BMAL1: variants seen among roughly 807,000 people sequenced by gnomAD.
BMAL1 encodes the protein basic helix-loop-helix ARNT like 1, also known as basic helix-loop-helix ARNT-like protein 1.
At chr11:13,293,447 G>C in the BMAL1 span, among the ~76,000 whole-genome samples, 12 of 152,242 alleles carry the variant, frequency 7.9e-5, no homozygotes, top group Non-Finnish European at 1.3e-4. Flanking sequence ...CTTAGTGTGA[G>C]ACCAAAGGGT....
chr11:13,361,976 C>T, the BMAL1 span, among the ~76,000 whole-genome samples: 21 of 152,292 alleles, frequency 1.4e-4, no homozygotes, highest in South Asian at 1.5e-3. Context: ...CACTTGGTCA[C>T]GCCTAGCTGC....
chr11:13,380,491 G>C, the BMAL1 span: 1 of 152,184 alleles, frequency 6.6e-6, no homozygotes, highest in South Asian at 2.1e-4. Flanking sequence ...CAAGTATTTA[G>C]GTGGATTTAC....
the BMAL1 span, among the ~76,000 whole-genome samples, chr11:13,284,200 ATATATATATGTG>A: frequency 5.1e-3 from 169 of 33,328 alleles, 11 homozygotes; most frequent in Non-Finnish European, 5.8e-3. Context: ...ATATGTGTGT[ATATATATATGTG>A]TATATATATA....
chr11:13,291,805 G>GTACTCTGTATGATACAAAA, the BMAL1 span, among the ~76,000 whole-genome samples: 1 of 151,354 alleles, frequency 6.6e-6, no homozygotes, highest in South Asian at 2.1e-4. Flanking sequence ...TAATTGACGT[G>GTACTCTGTATGATACAAAA]TACTCTGTAT....
chr11:13,280,922 C>T, the BMAL1 span, among the ~76,000 whole-genome samples: 43 of 152,280 alleles, frequency 2.8e-4, no homozygotes, highest in African/African-American at 9.6e-4. Flanking sequence ...TGGGCAAGTG[C>T]CTGGGCTCTG....
At chr11:13,351,471 T>C in the BMAL1 span, among the ~76,000 whole-genome samples, 3 of 152,306 alleles carry the variant, frequency 2.0e-5, no homozygotes, top group South Asian at 6.2e-4. Flanking sequence ...GCCATAAATA[T>C]CTGTAATTCA....
chr11:13,338,466 A>G, the BMAL1 span, among the ~76,000 whole-genome samples: 1 of 152,196 alleles, frequency 6.6e-6, no homozygotes, highest in African/African-American at 2.4e-5. Flanking sequence ...GCTAACTTTT[A>G]GTTAACCCAT....
chr11:13,372,428 C>T, the BMAL1 span: 6 of 1,610,674 alleles, frequency 3.7e-6, no homozygotes, highest in South Asian at 5.5e-5. Flanking sequence ...CTACATACTA[C>T]CCTTGAGCAA....
At chr11:13,339,819 C>T in the BMAL1 span, among the ~76,000 whole-genome samples, 36 of 152,126 alleles carry the variant, frequency 2.4e-4, no homozygotes, top group Admixed American at 2.4e-3. Flanking sequence ...TGCCATCCAG[C>T]ACCCGACATA....
the BMAL1 span, among the ~76,000 whole-genome samples, chr11:13,328,666 T>G: frequency 6.6e-6 from 1 of 152,222 alleles, no homozygotes; most frequent in Admixed American, 6.5e-5. Context: ...GGATTTTGGG[T>G]GCCAGAACTG....
the BMAL1 span, among the ~76,000 whole-genome samples, chr11:13,280,497 T>G: frequency 6.6e-6 from 1 of 152,246 alleles, no homozygotes. Context: ...TGTGATTTCA[T>G]CATCAACTCT....
the BMAL1 span, among the ~76,000 whole-genome samples, chr11:13,284,457 A>G: frequency 6.6e-6 from 1 of 151,430 alleles, no homozygotes; most frequent in African/African-American, 2.4e-5. Flanking sequence ...CCTGAATATA[A>G]TTAACCTCAG....
the BMAL1 span, among the ~76,000 whole-genome samples, chr11:13,342,866 T>C: frequency 0.92 from 140,364 of 152,216 alleles, 64,905 homozygotes; most frequent in Admixed American, 0.96. Flanking sequence ...TCTCTGATCT[T>C]GATCAAGTTA....
At chr11:13,369,555 CA>C in the BMAL1 span, 1 of 1,592,120 alleles carries the variant, frequency 6.3e-7, no homozygotes, top group Non-Finnish European at 8.6e-7. Context: ...CTCAAGGTCA[CA>C]CTCCCCCTCC....
chr11:13,365,006 G>T, the BMAL1 span, among the ~76,000 whole-genome samples: 452 of 152,158 alleles, frequency 3.0e-3, 3 homozygotes, highest in African/African-American at 0.01. Flanking sequence ...ACACTGCTCC[G>T]AATGTTGAGA....
At chr11:13,357,518 G>A in the BMAL1 span, among the ~76,000 whole-genome samples, 1 of 152,156 alleles carries the variant, frequency 6.6e-6, no homozygotes, top group Non-Finnish European at 1.5e-5. This position sits in a 1 kb window ranked among gnomAD's most constrained non-coding sequence, Gnocchi z 4.8. Flanking sequence ...GGGCATGCTC[G>A]GTGTCTCGAG....
At chr11:13,325,549 G>C in the BMAL1 span, among the ~76,000 whole-genome samples, 1 of 151,558 alleles carries the variant, frequency 6.6e-6, no homozygotes, top group Non-Finnish European at 1.5e-5. Flanking sequence ...TTACAAACAC[G>C]AACAGGAGCC....
chr11:13,377,055 G>A, the BMAL1 span, among the ~76,000 whole-genome samples: 3 of 152,272 alleles, frequency 2.0e-5, no homozygotes, highest in South Asian at 6.2e-4. Flanking sequence ...TTTCGTGACT[G>A]TCACTAACTC....
chr11:13,373,036 C>G, the BMAL1 span, among the ~76,000 whole-genome samples: 2 of 152,148 alleles, frequency 1.3e-5, no homozygotes, highest in African/African-American at 2.4e-5. Flanking sequence ...GAATCTAGGA[C>G]TTGGAAGCAA....
Sources: gnomAD v4.1 joint callset for allele counts (sites outside exome capture counted in the v4.1 genomes callset) on GRCh38, gnomAD v4.1.1 for gene constraint, Gnocchi (gnomAD v3.1) non-coding constraint, MANE v1.5 for transcripts, NCBI Gene and HGNC (gene_info 2026-07-23, HGNC 2026-07-21) for gene names.